The following PRKD1 variants were observed in gnomAD, a reference collection of about 807,000 sequenced individuals.
PRKD1 encodes serine/threonine-protein kinase D1.
PRKD1 carries 63 observed loss-of-function variants against 95.9 expected under a neutral mutation model. The ratio of observed to expected loss-of-function variants is 0.66; its 90% confidence interval spans 0.54 to 0.81. The LOEUF is 0.81. Ranked by LOEUF, PRKD1 falls within the 30% of genes least tolerant of loss-of-function variation. PRKD1 has a pLI of 0.00. For missense variants in PRKD1, 1,048 were observed against 1,165.3 expected (o/e 0.90, Z 1.47); for synonymous variants, 425 against 423.1 (o/e 1.00, Z -0.05).
At chr14:29,860,468 C>T (rs1004465365) in intron 1 of PRKD1, among the ~76,000 whole-genome samples, 3 of 152,062 alleles carry the variant, frequency 2.0e-5, no homozygotes, top group Non-Finnish European at 2.9e-5. Flanking sequence ...GAACCAGCTA[C>T]TCAGAGTTGC....
At chr14:29,851,977 C>T (rs1892326393) in intron 1 of PRKD1, among the ~76,000 whole-genome samples, 1 of 152,084 alleles carries the variant, frequency 6.6e-6, no homozygotes, top group African/African-American at 2.4e-5. Context: ...AATTAACACA[C>T]AAACAGAAAA....
At chr14:29,791,947 G>A (rs2139195840) in intron 1 of PRKD1, among the ~76,000 whole-genome samples, 1 of 152,224 alleles carries the variant, frequency 6.6e-6, no homozygotes, top group East Asian at 1.9e-4. Context: ...GGTATTGTAT[G>A]TTCTCACCAG....
intron 16 of PRKD1, among the ~76,000 whole-genome samples, chr14:29,583,995 C>G (rs565465049): frequency 4.5e-4 from 69 of 152,236 alleles, no homozygotes; most frequent in Non-Finnish European, 7.1e-4. Flanking sequence ...CAAACATTCT[C>G]TTTTAGCAGA....
At chr14:29,811,475 A>C (rs902434113) in intron 1 of PRKD1, among the ~76,000 whole-genome samples, 2 of 152,216 alleles carry the variant, frequency 1.3e-5, no homozygotes, top group Non-Finnish European at 2.9e-5. Context: ...CAGTCCCTAC[A>C]TAAGGATGCA....
At chr14:29,689,810 A>G (rs1049650712) in intron 2 of PRKD1, among the ~76,000 whole-genome samples, 1 of 152,184 alleles carries the variant, frequency 6.6e-6, no homozygotes, top group African/African-American at 2.4e-5. Context: ...GAACAAGAGC[A>G]TGTCTTTTGC....
chr14:29,696,026 G>A (rs1884495924), intron 2 of PRKD1, among the ~76,000 whole-genome samples: 1 of 152,178 alleles, frequency 6.6e-6, no homozygotes, highest in African/African-American at 2.4e-5. Context: ...CTTTTTCTTA[G>A]GAGTGAGTGA....
At chr14:29,852,757 A>C (rs567218586) in intron 1 of PRKD1, among the ~76,000 whole-genome samples, 12 of 152,226 alleles carry the variant, frequency 7.9e-5, no homozygotes, top group Non-Finnish European at 1.8e-4. Context: ...GAAACAAAAA[A>C]GAAATTTAAA....
intron 10 of PRKD1, among the ~76,000 whole-genome samples, chr14:29,629,936 T>TCTTCTTC (rs1054532235): frequency 2.0e-5 from 3 of 148,558 alleles, no homozygotes; most frequent in Non-Finnish European, 4.5e-5. Flanking sequence ...CTAGATTTCT[T>TCTTCTTC]CTTCTTCCTT....
intron 1 of PRKD1, among the ~76,000 whole-genome samples, chr14:29,883,294 T>C (rs1893580657): frequency 6.6e-6 from 1 of 152,132 alleles, no homozygotes; most frequent in Non-Finnish European, 1.5e-5. Flanking sequence ...AATATAAGGT[T>C]TGGGTGGGGA....
chr14:29,774,133 AACACCTTCTCT>A (rs1334199074), intron 1 of PRKD1, among the ~76,000 whole-genome samples: 2 of 152,208 alleles, frequency 1.3e-5, no homozygotes, highest in Non-Finnish European at 2.9e-5. Flanking sequence ...CGCAAAAACA[AACACCTTCTCT>A]GCACTGAAAG....
At chr14:29,777,402 T>C (rs1336022197) in intron 1 of PRKD1, among the ~76,000 whole-genome samples, 1 of 152,010 alleles carries the variant, frequency 6.6e-6, no homozygotes. Context: ...GAAACCCATC[T>C]CACGTGCAGA....
chr14:29,589,633 A>G (rs1358519181), intron 16 of PRKD1, among the ~76,000 whole-genome samples: 1 of 151,938 alleles, frequency 6.6e-6, no homozygotes, highest in Admixed American at 6.6e-5. Flanking sequence ...ATTATATATT[A>G]TTTATTTCAA....
intron 2 of PRKD1, among the ~76,000 whole-genome samples, chr14:29,684,058 C>G (rs966037785): frequency 5.3e-5 from 8 of 152,096 alleles, no homozygotes; most frequent in Non-Finnish European, 8.8e-5. Flanking sequence ...TCACACTCTT[C>G]AAAACCAGCC....
At chr14:29,746,531 T>C (rs8008575) in intron 1 of PRKD1, among the ~76,000 whole-genome samples, 31,808 of 149,268 alleles carry the variant, frequency 0.21, 3,502 homozygotes, top group South Asian at 0.26. Flanking sequence ...TGTACATATA[T>C]ACACACACAC....
chr14:29,872,801 T>G (rs10220551), intron 1 of PRKD1, among the ~76,000 whole-genome samples: 47,043 of 152,108 alleles, frequency 0.31, 7,474 homozygotes, highest in East Asian at 0.35. Flanking sequence ...TCAAGAAAAT[T>G]CAGGCTATTG....
intron 1 of PRKD1, among the ~76,000 whole-genome samples, chr14:29,874,881 T>C (rs1303089181): frequency 6.6e-6 from 1 of 152,020 alleles, no homozygotes; most frequent in Non-Finnish European, 1.5e-5. Flanking sequence ...GGGTTTGTGG[T>C]TGGGTGTAAA....
intron 4 of PRKD1, among the ~76,000 whole-genome samples, chr14:29,654,615 T>A (rs1245913238): frequency 6.6e-6 from 1 of 152,224 alleles, no homozygotes. Flanking sequence ...CATTGTAATA[T>A]AATACCAGGA....
At chr14:29,626,319 T>C (rs934212811) in intron 12 of PRKD1, among the ~76,000 whole-genome samples, 165 bp downstream of exon 12, 5 of 152,140 alleles carry the variant, frequency 3.3e-5, no homozygotes, top group African/African-American at 1.2e-4. Context: ...TTCCAAGTAG[T>C]AACTATCTCA....
intron 1 of PRKD1, among the ~76,000 whole-genome samples, chr14:29,899,898 G>A (rs1594613513): frequency 1.3e-5 from 2 of 152,168 alleles, no homozygotes; most frequent in Admixed American, 1.3e-4. Flanking sequence ...TCATGGGGGC[G>A]GTTTCCTCCA....
Sources: allele counts gnomAD v4.1 joint callset (sites outside exome capture counted in the v4.1 genomes callset), GRCh38; gene constraint gnomAD v4.1.1; transcripts MANE v1.5; gene names NCBI Gene and HGNC (gene_info 2026-07-23, HGNC 2026-07-21).